Variants in SPATA13 observed in about 807,000 individuals in gnomAD.
SPATA13 encodes the protein spermatogenesis associated 13.
SPATA13 carries 50 observed loss-of-function variants against 104.0 expected under a neutral mutation model. That is an observed-to-expected ratio of 0.48 (90% CI 0.38 to 0.61). The LOEUF is 0.61. Ranked by LOEUF, SPATA13 falls within the 20% of genes least tolerant of loss-of-function variation. SPATA13 has a pLI of 0.00. For synonymous variants in SPATA13, 606 were observed against 667.5 expected, an observed-to-expected ratio of 0.91 and a Z score of 1.42; for missense variants, 1,524 against 1,690.6, an observed-to-expected ratio of 0.90 and a Z score of 1.73.
intron 1 of SPATA13, among the ~76,000 whole-genome samples, chr13:24,166,381 A>G (rs1227351905): frequency 2.6e-5 from 4 of 152,180 alleles, no homozygotes; most frequent in Non-Finnish European, 5.9e-5. Context: ...AGCTGAGTCC[A>G]GTGTGGGCTG....
chr13:24,093,176 T>C (rs1327576605), intron 3 of SPATA13, among the ~76,000 whole-genome samples: 1 of 152,238 alleles, frequency 6.6e-6, no homozygotes, highest in African/African-American at 2.4e-5. Context: ...TCAGGCTGCC[T>C]GAGAGACATC....
chr13:24,296,670 A>T (rs1876805159), intron 10 of SPATA13, among the ~76,000 whole-genome samples: 2 of 152,188 alleles, frequency 1.3e-5, no homozygotes, highest in African/African-American at 4.8e-5. Context: ...TCACTCTTGG[A>T]GGCTCCGTTT....
At chr13:24,231,430 GCTTC>G (rs1365820585) in intron 2 of SPATA13, among the ~76,000 whole-genome samples, 1 of 152,186 alleles carries the variant, frequency 6.6e-6, no homozygotes, top group African/African-American at 2.4e-5. Context: ...CATGATCAGT[GCTTC>G]CTTCCTTGTT....
At chr13:24,247,063 A>T (rs1192328129) in intron 2 of SPATA13, among the ~76,000 whole-genome samples, 1 of 152,186 alleles carries the variant, frequency 6.6e-6, no homozygotes, top group East Asian at 1.9e-4. Context: ...AACTCCCAGG[A>T]GGGGATTTGT....
At chr13:24,071,079 A>T (rs1879145634) in intron 3 of SPATA13, among the ~76,000 whole-genome samples, 1 of 152,206 alleles carries the variant, frequency 6.6e-6, no homozygotes, top group African/African-American at 2.4e-5. Context: ...GAATGCACTC[A>T]TGGTTCAGGG....
At chr13:24,040,117 A>G (rs1265808151) in intron 3 of SPATA13, among the ~76,000 whole-genome samples, 2 of 152,242 alleles carry the variant, frequency 1.3e-5, no homozygotes, top group African/African-American at 4.8e-5. Flanking sequence ...CATTCAGCAG[A>G]AATCCCCCAA....
At position 24,290,883 on chromosome 13, in the gene SPATA13, G is replaced by T; in HGVS notation, c.3079G>T (p.Gly1027Cys). Residue 1027 changes from glycine (G) to cysteine (C), a missense_variant and splice_region_variant, in exon 9 of 13, where the codon GGT (glycine) becomes TGT (cysteine). Coordinates refer to ENST00000382108, the MANE Select transcript of SPATA13 (RefSeq NM_001166271.3). Reference sequence around the variant, plus strand: ...GCTCAAGTATACCACACAGGAACACGGGTGAGGGGCATGGGTAAGGGGCAC... The same window carrying T: ...GCTCAAGTATACCACACAGGAACACTGGTGAGGGGCATGGGTAAGGGGCAC... ...ELLKYTTQEHGDYSNIKAAYE... is the reference protein window; with the variant it reads ...ELLKYTTQEHCDYSNIKAAYE... 1 of 1,613,094 alleles carries T rather than the reference G, an allele frequency of 6.2e-7. No individual in the cohort carries two copies. Among genetic ancestry groups the T allele is most frequent in the South Asian group, 1.1e-5 (1 of 90,970 alleles).
intron 1 of SPATA13, chr13:24,162,316 C>A (rs982360298): frequency 6.5e-6 from 1 of 153,896 alleles, no homozygotes; most frequent in Non-Finnish European, 1.5e-5. Context: ...CCCTGGCAGG[C>A]GCTCTGCCCA....
chr13:24,274,985 A>G (rs1395803925), intron 4 of SPATA13, among the ~76,000 whole-genome samples: 1 of 151,548 alleles, frequency 6.6e-6, no homozygotes, highest in Non-Finnish European at 1.5e-5. Flanking sequence ...GAACACCTCA[A>G]CCTCCACCCT....
At chr13:24,297,782 A>G (rs1414999158) in intron 11 of SPATA13, 47 bp downstream of exon 11, 2 of 1,563,664 alleles carry the variant, frequency 1.3e-6, no homozygotes, top group African/African-American at 2.7e-5. Context: ...TGCTTGCTGT[A>G]ATAGCTTCAT....
chr13:24,297,578 C>G lies in SPATA13; in HGVS notation c.3426C>G (p.Asp1142Glu). Residue 1142 changes from aspartate (D) to glutamate (E), a missense_variant, in exon 11 of 13, where the codon GAC (aspartate) becomes GAG (glutamate). Around this residue, in one of 2 missense-constraint regions of SPATA13, gnomAD observed 435 missense variants for 554.8 expected, o/e 0.78. Transcript: ENST00000382108. ...MELVDLGDGRDKDCNLSVKNA... is the reference protein window; with the variant it reads ...MELVDLGDGREKDCNLSVKNA... ...TTGTGGACCTGGGGGATGGGCGCGA[C>G]AAGGACTGCAACCTCAGCGTGAAAA... 2 of 1,614,192 alleles carry G rather than the reference C, an allele frequency of 1.2e-6. No individual in the cohort carries two copies. The highest frequency in any genetic ancestry group is 1.7e-6 in the Non-Finnish European group (2 of 1,180,042).
intron 1 of SPATA13, among the ~76,000 whole-genome samples, chr13:24,218,863 C>T (rs1871407326): frequency 6.6e-6 from 1 of 151,846 alleles, no homozygotes; most frequent in African/African-American, 2.4e-5. Flanking sequence ...AACCTTCCTG[C>T]TTTTTTGTAC....
intron 1 of SPATA13, among the ~76,000 whole-genome samples, chr13:24,218,723 A>ATT (rs35673940): frequency 4.1e-5 from 6 of 145,364 alleles, no homozygotes; most frequent in African/African-American, 1.5e-4. Context: ...TTTTTTTGCG[A>ATT]TTTTTTTTTT....
intron 3 of SPATA13, among the ~76,000 whole-genome samples, chr13:24,023,595 G>A (rs1877079507): frequency 6.6e-6 from 1 of 152,112 alleles, no homozygotes; most frequent in Admixed American, 6.6e-5. Flanking sequence ...CCTAAAATAA[G>A]GAGATGATCC....
At chr13:24,181,038 AGT>A (rs1454022196) in intron 1 of SPATA13, among the ~76,000 whole-genome samples, 1 of 152,210 alleles carries the variant, frequency 6.6e-6, no homozygotes, top group African/African-American at 2.4e-5. Flanking sequence ...CACAATGGTA[AGT>A]GTTTCTGTGT....
chr13:24,021,467 T>A (rs749468031), intron 3 of SPATA13, among the ~76,000 whole-genome samples: 7 of 152,210 alleles, frequency 4.6e-5, no homozygotes, highest in Non-Finnish European at 7.3e-5. Context: ...TACTCCAGTC[T>A]GGGTGACAGA....
chr13:24,262,332 G>A (rs972811703), intron 4 of SPATA13, among the ~76,000 whole-genome samples: 2 of 110,236 alleles, frequency 1.8e-5, no homozygotes, highest in Non-Finnish European at 3.9e-5. Flanking sequence ...TAGCTCTTTT[G>A]TGGTTGTTAA....
intron 1 of SPATA13, among the ~76,000 whole-genome samples, chr13:24,222,012 G>A (rs902472294): frequency 6.6e-6 from 1 of 152,008 alleles, no homozygotes; most frequent in Admixed American, 6.6e-5. Flanking sequence ...GAGGTTTCAT[G>A]ATATTGGCCA....
chr13:24,101,547 G>C (rs1593329625), intron 3 of SPATA13, among the ~76,000 whole-genome samples: 1 of 152,206 alleles, frequency 6.6e-6, no homozygotes, highest in East Asian at 1.9e-4. Context: ...CAGTATAGTA[G>C]TGTTAACCCT....
Sources: gnomAD v4.1 joint callset for allele counts (sites outside exome capture counted in the v4.1 genomes callset) on GRCh38, gnomAD v4.1.1 for gene constraint, gnomAD v4.1.1 regional missense constraint, MANE v1.5 for transcripts, NCBI Gene and HGNC (gene_info 2026-07-23, HGNC 2026-07-21) for gene names.